The following MXRA5 variants were observed in gnomAD, a reference collection of about 807,000 sequenced individuals.
MXRA5 encodes the protein matrix-remodeling-associated protein 5.
In MXRA5, 41 loss-of-function variants were observed where a neutral mutation model predicts 112.5. The observed-to-expected ratio is 0.36, with a 90% CI of 0.28 to 0.47. The LOEUF is 0.47. Ranked by LOEUF, MXRA5 falls within the 20% of genes least tolerant of loss-of-function variation. The pLI is 0.99. For synonymous variants in MXRA5, 862 were observed against 900.8 expected (o/e 0.96, Z 0.77); for missense variants, 2,150 against 2,251.0 (o/e 0.96, Z 0.91).
chrX:3,316,583 C>G (rs1421592900), intron 6 of MXRA5, among the ~76,000 whole-genome samples: 2 of 105,317 alleles, frequency 1.9e-5, no homozygotes, highest in East Asian at 6.5e-4. Flanking sequence ...GCTGGACGAT[C>G]GCTTGAACCC....
rs987147949 is a variant in MXRA5 at position 3,308,683 on chromosome X, C to T, written c.*1033G>A. The T allele has an allele frequency of 8.9e-6, 1 of 111,834 alleles. No individual in the cohort carries two copies. Among genetic ancestry groups the T allele is most frequent in the Non-Finnish European group, 1.9e-5 (1 of 53,212 alleles). 9.2% of individuals were successfully genotyped at this position (111,834 alleles called of 1,213,427 possible). A position where few individuals can be genotyped will look rare whatever the true frequency, so the allele number is the denominator to read the frequency against. ...TTCATGGGCACAAACTGACTCATGG[C>T]TGGGGAAGAAGCAGCCACCTTAGAC... On this transcript the variant is annotated 3_prime_UTR_variant, in exon 7 of 7. Transcript: ENST00000217939.
chrX:3,315,399 A>AGATAGATAGAT (rs1569181377), intron 6 of MXRA5, among the ~76,000 whole-genome samples: 682 of 50,352 alleles, frequency 0.014, 33 homozygotes, highest in African/African-American at 0.045. Context: ...GATGATAGAT[A>AGATAGATAGAT]GATAGATAGA....
chrX:3,340,991 T>A (rs1213267110), intron 2 of MXRA5, among the ~76,000 whole-genome samples: 2 of 80,593 alleles, frequency 2.5e-5, no homozygotes, highest in East Asian at 7.0e-4. Flanking sequence ...ATATATTATA[T>A]ATCATGTATA....
chrX:3,318,724 A>G (rs1245891011), intron 5 of MXRA5, among the ~76,000 whole-genome samples: 1 of 112,159 alleles, frequency 8.9e-6, no homozygotes, highest in Non-Finnish European at 1.9e-5. Context: ...TTGACAAGAC[A>G]TCTGCACTCC....
chrX:3,315,447 C>G (rs1921091387), intron 6 of MXRA5, among the ~76,000 whole-genome samples: 3 of 103,238 alleles, frequency 2.9e-5, no homozygotes, highest in African/African-American at 1.1e-4. Flanking sequence ...ACAGAGTTAC[C>G]TGACCTTGGC....
In MXRA5 at chrX:3,323,600, G is replaced by A. The variant is rs1167101700; in HGVS notation, c.2085C>T (p.Ile695=). ...TGCCCGAGCCCCCTTCATCCTCCACGATGTCTTCTCTGACTCTGGAAAGAG... is the reference window on the plus strand; with the variant it reads ...TGCCCGAGCCCCCTTCATCCTCCACAATGTCTTCTCTGACTCTGGAAAGAG... ...AKALSRVRED[I]VEDEGGSGMG... Residue 695 remains isoleucine, a synonymous_variant, in exon 5 of 7, where the codon ATC becomes ATT. Coordinates refer to ENST00000217939, the MANE Select transcript of MXRA5 (RefSeq NM_015419.4). 8.3e-7 allele frequency: 1 copy of A among 1,208,592 alleles called. No individual in the cohort carries two copies. The highest frequency in any genetic ancestry group is 1.1e-6 in the Non-Finnish European group (1 of 894,607).
Position 3,317,496 on chromosome X carries a change from C to G in MXRA5, c.6185G>C (p.Gly2062Ala). The G allele has an allele frequency of 8.4e-7, 1 of 1,196,785 alleles. No individual in the cohort carries two copies. Among genetic ancestry groups the G allele is most frequent in the Non-Finnish European group, 1.1e-6 (1 of 888,371 alleles). ...AGTGCAGTGAATGTGAATGCTGAGC[C>G]CCGGGGGCAGCGAGATGTTCTCCAG... ...EKLENISLPP[G>A]LSIHIHCTAK... Residue 2062 changes from glycine (G) to alanine (A), a missense_variant, in exon 6 of 7, where the codon GGG becomes GCG. This residue lies in a region of MXRA5 where 1,485 missense variants were observed against 1,471.6 expected (regional missense o/e 1.01). Transcript: ENST00000217939.
chrX:3,327,717 A>G (rs1921546050), intron 4 of MXRA5, among the ~76,000 whole-genome samples: 1 of 112,787 alleles, frequency 8.9e-6, no homozygotes, highest in Non-Finnish European at 1.9e-5. Context: ...GAGCACCTGC[A>G]GAAACTCCAC....
At chrX:3,326,403 A>G (rs1163695710) in intron 4 of MXRA5, among the ~76,000 whole-genome samples, 3 of 100,598 alleles carry the variant, frequency 3.0e-5, no homozygotes, top group Non-Finnish European at 5.9e-5. Flanking sequence ...TATATAATCA[A>G]TATGTATCTA....
chrX:3,333,591 A>G (rs1263595539), intron 2 of MXRA5, among the ~76,000 whole-genome samples: 1 of 111,378 alleles, frequency 9.0e-6, no homozygotes, highest in Non-Finnish European at 1.9e-5. Context: ...AGTAAAATCC[A>G]GGTATCTTGA....
At chrX:3,316,828 C>T (rs1159378585) in intron 6 of MXRA5, among the ~76,000 whole-genome samples, 5 of 109,053 alleles carry the variant, frequency 4.6e-5, no homozygotes, top group Non-Finnish European at 7.6e-5. Context: ...AGACGCTCGC[C>T]ACAATGCCCG....
chrX:3,312,124 A>C (rs1225262801), intron 6 of MXRA5, among the ~76,000 whole-genome samples: 3 of 112,053 alleles, frequency 2.7e-5, no homozygotes, highest in Non-Finnish European at 5.6e-5. Context: ...CAGAAAAGCA[A>C]CTCTAATAAG....
At position 3,311,020 on chromosome X, in the gene MXRA5, A is replaced by G. The variant is rs1270714642; in HGVS notation, c.7183T>C (p.Tyr2395His). Residue 2395 changes from tyrosine to histidine, a missense_variant, in exon 7 of 7, where the codon TAT becomes CAT. By Grantham distance (83) the Tyr-to-His change is moderately conservative. Transcript: ENST00000217939. Reference protein sequence around the residue: ...NKVIPTSSEKYQIYQDGTLLI... With the variant: ...NKVIPTSSEKHQIYQDGTLLI... The stretch of plus-strand genomic sequence containing the variant: ...AGAGTGCCATCTTGGTATATCTGAT[A>G]CTTCTCAGAGGAGGTGGGGATCACC... The G allele has an allele frequency of 8.3e-7, 1 of 1,209,406 alleles. No individual in the cohort carries two copies. Among genetic ancestry groups the G allele is most frequent in the Non-Finnish European group, 1.1e-6 (1 of 895,127 alleles).
chrX:3,326,261 C>G (rs759050334), intron 4 of MXRA5, among the ~76,000 whole-genome samples: 445 of 3,097 alleles, frequency 0.14, 7 homozygotes, highest in African/African-American at 0.24. Context: ...ATCTGGGTAA[C>G]TATATCTATA....
At position 3,324,625 on chromosome X, in the gene MXRA5, C is replaced by A. The variant is rs779673066; in HGVS notation, c.1060G>T (p.Asp354Tyr). ...KIHLNQTDPP[D>Y]IDINATVALD... ...GCAACTGTTGCATTTATGTCAATAT[C>A]TGGAGGATCCGTTTGGTTCAAGTGA... is the stretch of plus-strand genomic sequence containing the variant. Residue 354 changes from aspartate to tyrosine, a missense_variant, in exon 5 of 7, where the codon GAT becomes TAT. Physicochemically the swap from Asp to Tyr is radical, Grantham distance 160. Transcript: ENST00000217939. The A allele has an allele frequency of 8.3e-7, 1 of 1,210,732 alleles. No homozygotes were observed. Among genetic ancestry groups the A allele is most frequent in the Non-Finnish European group, 1.1e-6 (1 of 894,758 alleles).
At position 3,317,373 on chromosome X, in the gene MXRA5, G is replaced by A; in HGVS notation, c.6308C>T (p.Pro2103Leu). The A allele has an allele frequency of 2.5e-6, 3 of 1,209,882 alleles. No homozygotes were observed. Among genetic ancestry groups the A allele is most frequent in the Non-Finnish European group, 3.4e-6 (3 of 894,773 alleles). ...QFLHGNLFVF[P>L]NGTLYIRNLA... The stretch of plus-strand genomic sequence containing the variant: ...GTTGCGGATGTAGAGCGTCCCGTTG[G>A]GGAAAACAAACAAGTTCCCGTGGAG... The change falls in exon 6 of 7, where the codon CCC (proline) becomes CTC (leucine). Residue 2103 changes from proline (P) to leucine (L), a missense_variant. Pro to Leu is a moderately conservative substitution (Grantham distance 98, BLOSUM62 -3). Coordinates refer to ENST00000217939, the MANE Select transcript of MXRA5 (RefSeq NM_015419.4).
At chrX:3,325,895 A>G (rs1208981308) in intron 4 of MXRA5, among the ~76,000 whole-genome samples, 1 of 45,087 alleles carries the variant, frequency 2.2e-5, no homozygotes, top group African/African-American at 6.1e-5. Context: ...ATTATAATTT[A>G]TAATGTATAA....
rs1569179394 is a variant in MXRA5 at position 3,308,912 on chromosome X, A to G, written c.*804T>C. ...GAGGGTTCCTGGAGAAGGTAATATA[A>G]CAGTGGTGACTGAATTTGAAGGAGG... On this transcript the variant is annotated 3_prime_UTR_variant, in exon 7 of 7. Coordinates refer to ENST00000217939, the MANE Select transcript of MXRA5 (RefSeq NM_015419.4). The G allele has an allele frequency of 8.9e-6, 1 of 111,797 alleles. No homozygotes were observed. Among genetic ancestry groups the G allele is most frequent in the Non-Finnish European group, 1.9e-5 (1 of 53,240 alleles). 9.2% of individuals were successfully genotyped at this position (111,797 alleles called of 1,213,427 possible). A position where few individuals can be genotyped will look rare whatever the true frequency, so the allele number is the denominator to read the frequency against.
intron 2 of MXRA5, among the ~76,000 whole-genome samples, chrX:3,339,245 TTTG>T (rs370882813): frequency 9.1e-5 from 10 of 109,414 alleles, no homozygotes; most frequent in African/African-American, 2.3e-4. Context: ...CCCTGCTTGT[TTTG>T]TTGTTGTTGT....
Sources: gnomAD v4.1 joint callset for allele counts (sites outside exome capture counted in the v4.1 genomes callset) on GRCh38, gnomAD v4.1.1 for gene constraint, gnomAD v4.1.1 regional missense constraint, MANE v1.5 for transcripts, NCBI Gene and HGNC (gene_info 2026-07-23, HGNC 2026-07-21) for gene names.